Variants in CSMD1 observed in about 807,000 individuals in gnomAD.
CSMD1 encodes the protein CUB and Sushi multiple domains 1, also known as CUB and sushi domain-containing protein 1.
CSMD1 carries 213 observed loss-of-function variants against 417.5 expected under a neutral mutation model. The ratio of observed to expected loss-of-function variants is 0.51; its 90% CI spans 0.46 to 0.57. The LOEUF is 0.57. CSMD1 is among the 20% of genes least tolerant of loss of function. CSMD1 has a pLI of 0.00. For missense variants in CSMD1, 6,923 were observed against 4,529.7 expected, an observed-to-expected ratio of 1.53 and a Z score of -15.17; for synonymous variants, 2,862 against 1,736.8, an observed-to-expected ratio of 1.65 and a Z score of -16.11.
chr8:3,398,459 G>A (rs1445103799), intron 16 of CSMD1, among the ~76,000 whole-genome samples: 6 of 152,156 alleles, frequency 3.9e-5, no homozygotes, highest in East Asian at 1.9e-4. Flanking sequence ...TACAATTACT[G>A]AAAGTTAACA....
intron 2 of CSMD1, among the ~76,000 whole-genome samples, chr8:4,440,541 G>T (rs907316792): frequency 6.6e-6 from 1 of 151,976 alleles, no homozygotes; most frequent in African/African-American, 2.4e-5. Flanking sequence ...AGATAACATT[G>T]CTGACATGCA....
intron 3 of CSMD1, among the ~76,000 whole-genome samples, chr8:4,187,410 G>T (rs1247128915): frequency 6.6e-6 from 1 of 152,130 alleles, no homozygotes; most frequent in Admixed American, 6.5e-5. Flanking sequence ...ACTTTGGGAG[G>T]CCAAGGCAGG....
intron 1 of CSMD1, among the ~76,000 whole-genome samples, chr8:4,926,373 T>C (rs543733177): frequency 1.3e-5 from 2 of 152,330 alleles, no homozygotes; most frequent in Admixed American, 1.3e-4. Context: ...CTCTTTATCT[T>C]TACGATATTT....
chr8:4,683,792 C>T (rs1297620413), intron 1 of CSMD1, among the ~76,000 whole-genome samples: 1 of 151,970 alleles, frequency 6.6e-6, no homozygotes, highest in South Asian at 2.1e-4. Flanking sequence ...GGCACTAAGG[C>T]TACAAGAAAA....
chr8:3,745,109 G>A (rs1185419263), intron 6 of CSMD1, among the ~76,000 whole-genome samples: 2 of 152,190 alleles, frequency 1.3e-5, no homozygotes, highest in Non-Finnish European at 2.9e-5. Flanking sequence ...CTAGATATGT[G>A]TCTTGAGAAA....
chr8:4,638,804 G>A (rs1272441153), intron 1 of CSMD1, among the ~76,000 whole-genome samples: 1 of 152,186 alleles, frequency 6.6e-6, no homozygotes, highest in African/African-American at 2.4e-5. Context: ...AAGGGCAATT[G>A]AGTGCCACAA....
intron 1 of CSMD1, among the ~76,000 whole-genome samples, chr8:4,671,595 C>A (rs1038765547): frequency 3.8e-4 from 58 of 152,302 alleles, no homozygotes; most frequent in Admixed American, 3.3e-4. Context: ...TCTCAAACAA[C>A]GTTATCTTCA....
At chr8:3,206,377 CTGTG>C (rs1178195198) in intron 30 of CSMD1, among the ~76,000 whole-genome samples, 2 of 87,270 alleles carry the variant, frequency 2.3e-5, no homozygotes, top group African/African-American at 4.7e-5. Flanking sequence ...GGGGGTATGT[CTGTG>C]TGTGTGTATG....
chr8:3,772,430 TACATACA>T (rs1563064264), intron 5 of CSMD1, among the ~76,000 whole-genome samples: 7,659 of 127,660 alleles, frequency 0.06, 2,053 homozygotes, highest in East Asian at 0.093. Context: ...TACACATATA[TACATACA>T]TTTATATATA....
chr8:3,639,221 C>A (rs1797189663), intron 7 of CSMD1, among the ~76,000 whole-genome samples: 1 of 152,176 alleles, frequency 6.6e-6, no homozygotes, highest in Non-Finnish European at 1.5e-5. Flanking sequence ...TGAGGTCTCT[C>A]TGTTGGACTA....
intron 2 of CSMD1, among the ~76,000 whole-genome samples, chr8:4,625,456 G>A (rs899147232): frequency 6.6e-6 from 1 of 151,830 alleles, no homozygotes; most frequent in Non-Finnish European, 1.5e-5. Flanking sequence ...CTACATTTAT[G>A]AGCACAATCA....
chr8:4,408,671 A>C (rs1796473936), intron 3 of CSMD1, among the ~76,000 whole-genome samples: 1 of 152,158 alleles, frequency 6.6e-6, no homozygotes, highest in African/African-American at 2.4e-5. Flanking sequence ...TCAATAGTTC[A>C]TTTTCTTGAA....
At chr8:3,649,390 T>C (rs966627459) in intron 7 of CSMD1, among the ~76,000 whole-genome samples, 6 of 152,186 alleles carry the variant, frequency 3.9e-5, no homozygotes, top group African/African-American at 1.4e-4. Flanking sequence ...TCATCTGTAT[T>C]AGTTCGTTTT....
At chr8:3,508,620 A>G (rs1344777495) in intron 10 of CSMD1, among the ~76,000 whole-genome samples, 1 of 152,230 alleles carries the variant, frequency 6.6e-6, no homozygotes. Flanking sequence ...GAAAATTTTA[A>G]AATCACTGAT....
intron 10 of CSMD1, among the ~76,000 whole-genome samples, chr8:3,538,808 T>G (rs1798315395): frequency 6.6e-6 from 1 of 152,212 alleles, no homozygotes; most frequent in African/African-American, 2.4e-5. Context: ...ACCAAGAGCC[T>G]GGTGGAAGGC....
intron 2 of CSMD1, among the ~76,000 whole-genome samples, chr8:4,448,864 C>T (rs191687396): frequency 1.8e-3 from 276 of 152,244 alleles, no homozygotes; most frequent in Non-Finnish European, 1.9e-3. Flanking sequence ...GATGTGTATC[C>T]AATTCTCTTA....
intron 10 of CSMD1, among the ~76,000 whole-genome samples, chr8:3,546,671 A>C (rs1798678861): frequency 6.6e-6 from 1 of 152,252 alleles, no homozygotes; most frequent in Admixed American, 6.5e-5. Context: ...TCAATGGGTA[A>C]AGATTGTATA....
intron 2 of CSMD1, among the ~76,000 whole-genome samples, chr8:4,462,647 A>C: frequency 6.6e-6 from 1 of 152,226 alleles, no homozygotes; most frequent in East Asian, 1.9e-4. Flanking sequence ...CACATGGATT[A>C]ATGAAATAAA....
Position 3,151,517 on chromosome 8 carries a change from T to A in CSMD1, c.5915-4A>T, listed in dbSNP as rs1367110101. 2.5e-6 allele frequency: 4 copies of A among 1,597,796 alleles called. No individual in the cohort carries two copies. The highest frequency in any genetic ancestry group is 3.4e-6 in the Non-Finnish European group (4 of 1,167,346). On this transcript the variant is annotated splice_polypyrimidine_tract_variant and splice_region_variant and intron_variant, in intron 39 of 69. Transcript: ENST00000635120. ...CTCAGCGTCCCTCCACAGGTTGCTG[T>A]TAAGTGGACAAGATGTCAGTCCTGC... is the stretch of plus-strand genomic sequence containing the variant.
Sources: gnomAD v4.1 joint callset for allele counts (sites outside exome capture counted in the v4.1 genomes callset) on GRCh38, gnomAD v4.1.1 for gene constraint, MANE v1.5 for transcripts, NCBI Gene and HGNC (gene_info 2026-07-23, HGNC 2026-07-21) for gene names.